The following TDRP variants were observed in gnomAD, a reference collection of about 807,000 sequenced individuals.
TDRP encodes testis development related protein.
A neutral mutation model predicts 10.5 loss-of-function variants in TDRP; 12 were observed. The ratio of observed to expected loss-of-function variants is 1.15; its 90% CI spans 0.73 to 1.86. The LOEUF (loss-of-function observed/expected upper bound fraction) is 1.86. Among genes scored for constraint, TDRP ranks in the 40% most tolerant of loss-of-function variants. TDRP has a pLI of 0.00. For missense variants in TDRP, 353 were observed against 229.2 expected (o/e 1.54, Z -3.49); for synonymous variants, 139 against 95.4 (o/e 1.46, Z -2.67).
At chr8:544,594 C>A in intron 1 of TDRP, 56 bp downstream of exon 1, 1 of 1,143,320 alleles carries the variant, frequency 8.7e-7, no homozygotes, top group Non-Finnish European at 1.1e-6. Flanking sequence ...CCCACCCTCG[C>A]CCTCCACCTG....
intron 1 of TDRP, among the ~76,000 whole-genome samples, chr8:517,112 C>A (rs1008132306): frequency 3.3e-5 from 5 of 152,182 alleles, no homozygotes; most frequent in Non-Finnish European, 7.3e-5. Flanking sequence ...CCCTTTGGCG[C>A]TCAGGCAAAA....
At chr8:526,002 G>C (rs576485252) in intron 1 of TDRP, among the ~76,000 whole-genome samples, 2 of 152,182 alleles carry the variant, frequency 1.3e-5, no homozygotes, top group East Asian at 3.9e-4. Flanking sequence ...TTCAGGTTTT[G>C]GATTTCTTCA....
chr8:520,180 C>A (rs1330453669), intron 1 of TDRP, among the ~76,000 whole-genome samples: 1 of 152,190 alleles, frequency 6.6e-6, no homozygotes, highest in Admixed American at 6.5e-5. Flanking sequence ...ACTTTCAATA[C>A]CTCATGTAAG....
At chr8:534,096 T>C (rs982880271) in intron 1 of TDRP, among the ~76,000 whole-genome samples, 23 of 152,194 alleles carry the variant, frequency 1.5e-4, no homozygotes, top group Non-Finnish European at 1.0e-4. Context: ...TGTCATAACC[T>C]ATAAGGTAAG....
intron 1 of TDRP, among the ~76,000 whole-genome samples, chr8:508,835 C>T (rs111941532): frequency 6.6e-6 from 1 of 152,152 alleles, no homozygotes; most frequent in African/African-American, 2.4e-5. Context: ...TGAGACAAGG[C>T]AAGTCCCTTT....
At chr8:520,690 A>C (rs1801879661) in intron 1 of TDRP, among the ~76,000 whole-genome samples, 1 of 152,154 alleles carries the variant, frequency 6.6e-6, no homozygotes, top group Non-Finnish European at 1.5e-5. Flanking sequence ...TTCCCTGATG[A>C]TTAGCAACGT....
intron 1 of TDRP, among the ~76,000 whole-genome samples, chr8:503,728 C>T (rs952940434): frequency 6.7e-6 from 1 of 149,204 alleles, no homozygotes; most frequent in East Asian, 2.0e-4. Context: ...CAGAGCTACA[C>T]ATCAGAACCC....
intron 2 of TDRP, among the ~76,000 whole-genome samples, chr8:493,520 A>G (rs1801039626): frequency 6.6e-6 from 1 of 152,372 alleles, no homozygotes; most frequent in East Asian, 1.9e-4. Flanking sequence ...TCCTCAAACA[A>G]AAGCCAACTC....
rs148329074 is a variant in TDRP at position 505,846 on chromosome 8, C to A, written c.109-11249G>T. 6.3e-4 allele frequency among the ~76,000 whole-genome samples: 96 copies of A among 152,274 alleles called. No individual in the cohort carries two copies. In the Middle Eastern group the frequency reaches 0.017, roughly 27 times the overall value. ...CAGCCACACAAACCCTCAAATCACA[C>A]GCAAAGTCAGCACGTAGGCAGACAC... On this transcript the variant is annotated intron_variant, in intron 1 of 2. Coordinates refer to ENST00000324079, the MANE Select transcript of TDRP (RefSeq NM_001384899.1).
At chr8:543,927 A>C (rs972393322) in intron 1 of TDRP, among the ~76,000 whole-genome samples, 1 of 11,398 alleles carries the variant, frequency 8.8e-5, no homozygotes. Flanking sequence ...GGAAAAAGGG[A>C]GGGGGGGGGA....
intron 1 of TDRP, among the ~76,000 whole-genome samples, chr8:495,225 C>T (rs528649628): frequency 2.6e-5 from 4 of 152,044 alleles, no homozygotes; most frequent in South Asian, 2.1e-4. Flanking sequence ...CAGAGCAAGA[C>T]CCCATCTCAA....
At chr8:532,887 C>T (rs1239379144) in intron 1 of TDRP, among the ~76,000 whole-genome samples, 5 of 152,166 alleles carry the variant, frequency 3.3e-5, no homozygotes, top group Admixed American at 1.3e-4. Flanking sequence ...CCTGCAACTG[C>T]AGAGCTGAGT....
intron 1 of TDRP, among the ~76,000 whole-genome samples, chr8:513,712 A>G (rs1801677836): frequency 6.6e-6 from 1 of 152,226 alleles, no homozygotes; most frequent in African/African-American, 2.4e-5. Context: ...AACTATCTCT[A>G]TTTGCTGATA....
chr8:492,113 G>GT lies in TDRP; in HGVS notation c.*285dup, dbSNP rs1315560275. 1.6e-6 allele frequency: 2 copies of GT among 1,222,954 alleles called. No homozygotes were observed. Among genetic ancestry groups the GT allele is most frequent in the Non-Finnish European group, 1.0e-6 (1 of 982,120 alleles). The allele number at this position is 1,222,954 out of a possible 1,614,324, so 75.8% of individuals were successfully genotyped here. A position where few individuals can be genotyped will look rare whatever the true frequency, so the allele number is the denominator to read the frequency against. ...TGAGAAACTGCAAATCATTACTGCT[G>GT]TATTATGGGAGAGCATCATAAATTC... On this transcript the variant is annotated 3_prime_UTR_variant, in exon 3 of 3. Coordinates refer to ENST00000324079, the MANE Select transcript of TDRP (RefSeq NM_001384899.1).
chr8:507,293 G>A (rs74846929), intron 1 of TDRP, among the ~76,000 whole-genome samples: 1,532 of 152,220 alleles, frequency 0.01, 27 homozygotes, highest in African/African-American at 0.034. Flanking sequence ...CATATCAGAA[G>A]GAGATTTGAG....
At chr8:539,621 C>T (rs6989235) in intron 1 of TDRP, among the ~76,000 whole-genome samples, 87,422 of 152,078 alleles carry the variant, frequency 0.57, 25,627 homozygotes, top group Admixed American at 0.64. Flanking sequence ...AGCTTTATTT[C>T]TAAAGAGAAA....
intron 1 of TDRP, among the ~76,000 whole-genome samples, chr8:500,710 G>A (rs1801268801): frequency 6.6e-6 from 1 of 152,204 alleles, no homozygotes. Context: ...TTTTGCCACA[G>A]GAAGGGCAGG....
At chr8:534,433 G>A (rs1310433853) in intron 1 of TDRP, among the ~76,000 whole-genome samples, 1 of 152,110 alleles carries the variant, frequency 6.6e-6, no homozygotes, top group African/African-American at 2.4e-5. Flanking sequence ...TTTAATACCT[G>A]CTGTTGATTC....
intron 1 of TDRP, among the ~76,000 whole-genome samples, chr8:510,795 A>C (rs1376761792): frequency 6.6e-6 from 1 of 152,224 alleles, no homozygotes; most frequent in Non-Finnish European, 1.5e-5. Context: ...ATGAGAAAAC[A>C]AAGTGCACCG....
Sources: gnomAD v4.1 joint callset for allele counts (sites outside exome capture counted in the v4.1 genomes callset) on GRCh38, gnomAD v4.1.1 for gene constraint, MANE v1.5 for transcripts, NCBI Gene and HGNC (gene_info 2026-07-23, HGNC 2026-07-21) for gene names.